METTL25: variants seen among roughly 807,000 people sequenced by gnomAD.
The protein encoded by METTL25 is methyltransferase like 25, also known as probable methyltransferase-like protein 25.
METTL25 carries 64 observed loss-of-function variants against 71.6 expected under a neutral mutation model. The ratio of observed to expected loss-of-function variants is 0.89; its 90% CI spans 0.73 to 1.10. The LOEUF is 1.10. Ranked by LOEUF, METTL25 falls within the 50% of genes least tolerant of loss-of-function variation. The pLI, the probability that METTL25 is intolerant of heterozygous loss-of-function variation, is 0.00. For synonymous variants in METTL25, 287 were observed against 250.3 expected, an observed-to-expected ratio of 1.15 and a Z score of -1.38; for missense variants, 807 against 707.0, an observed-to-expected ratio of 1.14 and a Z score of -1.60.
At chr12:82,417,451 C>T (rs767106845) in intron 5 of METTL25, among the ~76,000 whole-genome samples, 5 of 152,064 alleles carry the variant, frequency 3.3e-5, no homozygotes, top group Admixed American at 1.3e-4. Flanking sequence ...CAAGCATATA[C>T]GTTAAAAAGT....
At chr12:82,463,286 T>G (rs959492167) in intron 9 of METTL25, among the ~76,000 whole-genome samples, 4 of 151,968 alleles carry the variant, frequency 2.6e-5, no homozygotes, top group African/African-American at 9.7e-5. Context: ...TCTAGGAGAT[T>G]AACTTTTTTT....
chr12:82,449,025 G>T (rs148223450), intron 8 of METTL25, among the ~76,000 whole-genome samples: 7 of 152,226 alleles, frequency 4.6e-5, no homozygotes, highest in African/African-American at 1.7e-4. Context: ...TGCTTCCTTG[G>T]AAAGTGTTAC....
intron 1 of METTL25, among the ~76,000 whole-genome samples, chr12:82,378,593 A>C (rs1884119800): frequency 6.6e-6 from 1 of 152,238 alleles, no homozygotes; most frequent in Non-Finnish European, 1.5e-5. Flanking sequence ...AATGAAATGC[A>C]CAACGGGAAA....
intron 8 of METTL25, among the ~76,000 whole-genome samples, chr12:82,456,517 C>T (rs1001496005): frequency 5.3e-5 from 8 of 151,934 alleles, no homozygotes; most frequent in Non-Finnish European, 1.0e-4. Flanking sequence ...GCCTTCACTG[C>T]TATATGTTAT....
At chr12:82,394,909 G>A (rs1171559910) in intron 3 of METTL25, among the ~76,000 whole-genome samples, 3 of 151,790 alleles carry the variant, frequency 2.0e-5, no homozygotes, top group Middle Eastern at 3.2e-3. Flanking sequence ...GGAACAACAA[G>A]TTCAGTGGCC....
intron 5 of METTL25, among the ~76,000 whole-genome samples, chr12:82,404,564 T>C (rs1242819483): frequency 6.6e-6 from 1 of 152,046 alleles, no homozygotes; most frequent in Non-Finnish European, 1.5e-5. Flanking sequence ...CCTTTTGGGG[T>C]TTACTATTTG....
At chr12:82,410,928 A>C (rs573702931) in intron 5 of METTL25, among the ~76,000 whole-genome samples, 45 of 152,222 alleles carry the variant, frequency 3.0e-4, no homozygotes, top group African/African-American at 9.9e-4. Flanking sequence ...ACTACTTCTT[A>C]AATTCAGGCT....
chr12:82,386,719 TAA>T (rs1885059014), intron 1 of METTL25, 82 bp from the exon 2 acceptor site: 1 of 1,081,250 alleles, frequency 9.2e-7, no homozygotes, highest in African/African-American at 1.6e-5. Context: ...TTATACAAAT[TAA>T]GTGTTCATTT....
At chr12:82,466,753 C>T (rs1021021564) in intron 9 of METTL25, among the ~76,000 whole-genome samples, 2 of 151,918 alleles carry the variant, frequency 1.3e-5, no homozygotes, top group Non-Finnish European at 1.5e-5. Context: ...ATAATATTTG[C>T]ATTATATATC....
intron 5 of METTL25, among the ~76,000 whole-genome samples, chr12:82,412,520 C>T (rs1887630089): frequency 6.6e-6 from 1 of 152,064 alleles, no homozygotes; most frequent in African/African-American, 2.4e-5. Flanking sequence ...ACACAGTCAG[C>T]TCCCTCTGGA....
At chr12:82,446,657 C>T (rs1180638202) in intron 8 of METTL25, among the ~76,000 whole-genome samples, 1 of 149,706 alleles carries the variant, frequency 6.7e-6, no homozygotes, top group Non-Finnish European at 1.5e-5. Context: ...CGCTCTGTCG[C>T]CCAGGCTGGA....
chr12:82,362,884 CTG>C (rs1882113814), intron 1 of METTL25, among the ~76,000 whole-genome samples: 1 of 152,210 alleles, frequency 6.6e-6, no homozygotes, highest in African/African-American at 2.4e-5. Context: ...TTAAAAACAA[CTG>C]TAAGATTCTG....
At chr12:82,445,842 A>G (rs187373495) in intron 8 of METTL25, among the ~76,000 whole-genome samples, 27 of 152,362 alleles carry the variant, frequency 1.8e-4, no homozygotes, top group Admixed American at 1.6e-3. Context: ...TGCTGCAGCT[A>G]TAACAGCTTG....
At chr12:82,424,736 G>A (rs889331929) in intron 5 of METTL25, among the ~76,000 whole-genome samples, 7 of 151,920 alleles carry the variant, frequency 4.6e-5, no homozygotes, top group African/African-American at 1.7e-4. Flanking sequence ...TAGTTAAGAT[G>A]GAGTCATCAT....
intron 5 of METTL25, among the ~76,000 whole-genome samples, chr12:82,412,252 A>T (rs935806701): frequency 6.6e-6 from 1 of 152,076 alleles, no homozygotes; most frequent in East Asian, 1.9e-4. Context: ...TAACACATGC[A>T]TTCCTGTTGA....
At chr12:82,392,225 A>G (rs1885657645) in intron 3 of METTL25, among the ~76,000 whole-genome samples, 1 of 150,984 alleles carries the variant, frequency 6.6e-6, no homozygotes, top group Non-Finnish European at 1.5e-5. Flanking sequence ...ATCTAGCATT[A>G]GGTATATCTC....
At chr12:82,433,852 A>G (rs1251653992) in intron 6 of METTL25, among the ~76,000 whole-genome samples, 4 of 151,512 alleles carry the variant, frequency 2.6e-5, no homozygotes, top group Non-Finnish European at 4.4e-5. Flanking sequence ...TCTCTTATAC[A>G]TTTATTACTT....
chr12:82,467,265 CT>C (rs945955890), intron 9 of METTL25, among the ~76,000 whole-genome samples: 18 of 151,900 alleles, frequency 1.2e-4, no homozygotes, highest in Non-Finnish European at 2.4e-4. Context: ...TTTTTTAAAT[CT>C]TTTTTTGTCT....
chr12:82,420,755 T>G (rs73153509), intron 5 of METTL25, among the ~76,000 whole-genome samples: 9,435 of 152,108 alleles, frequency 0.062, 343 homozygotes, highest in Middle Eastern at 0.12. Flanking sequence ...ATTTTGTCAA[T>G]TGTACTAAGG....
Sources: gnomAD v4.1 joint callset for allele counts (sites outside exome capture counted in the v4.1 genomes callset) on GRCh38, gnomAD v4.1.1 for gene constraint, MANE v1.5 for transcripts, NCBI Gene and HGNC (gene_info 2026-07-23, HGNC 2026-07-21) for gene names.